Variants in NDUFA11 observed in about 807,000 individuals in gnomAD.
The protein encoded by NDUFA11 is NADH:ubiquinone oxidoreductase subunit A11, also known as NADH dehydrogenase [ubiquinone] 1 alpha subcomplex subunit 11.
NDUFA11 carries 14 observed loss-of-function variants against 11.3 expected under a neutral mutation model. The ratio of observed to expected loss-of-function variants is 1.24; its 90% confidence interval spans 0.82 to 1.94. The LOEUF (loss-of-function observed/expected upper bound fraction) is 1.94. Among genes scored for constraint, NDUFA11 ranks in the 30% most tolerant of loss-of-function variants. The probability of loss-of-function intolerance (pLI) is 0.00; values close to 1 mark genes in which losing one functional copy is unlikely to be tolerated. For synonymous variants in NDUFA11, 87 were observed against 85.6 expected (o/e 1.02, Z -0.09); for missense variants, 204 against 200.3 (o/e 1.02, Z -0.11).
chr19:5,900,399 C>G (rs1010663399), intron 1 of NDUFA11, among the ~76,000 whole-genome samples: 1 of 152,224 alleles, frequency 6.6e-6, no homozygotes, highest in Non-Finnish European at 1.5e-5. Flanking sequence ...TTCATTCATT[C>G]ATTCATCCAT....
chr19:5,897,678 C>T (rs1397534345), intron 1 of NDUFA11, among the ~76,000 whole-genome samples: 1 of 152,248 alleles, frequency 6.6e-6, no homozygotes, highest in Non-Finnish European at 1.5e-5. Context: ...TGCCATTTCC[C>T]AGGCCGCCTG....
At chr19:5,899,059 C>A (rs2057627959) in intron 1 of NDUFA11, among the ~76,000 whole-genome samples, 1 of 150,884 alleles carries the variant, frequency 6.6e-6, no homozygotes, top group African/African-American at 2.5e-5. Flanking sequence ...ACACTTCAGT[C>A]AGTGCACACA....
Position 5,896,375 on chromosome 19 carries a change from A to G in NDUFA11, c.313+78T>C. ...ACTTCTTGTCCGGGATGGAACAGAG[A>G]GGGTGGAGGATGAGCAGAGGTCAGG... On this transcript the variant is annotated intron_variant, in intron 3 of 3. Transcript: ENST00000308961. This position sits in a 1 kb window ranked among gnomAD's most constrained non-coding sequence, Gnocchi z 5.8. The G allele has an allele frequency of 8.5e-7, 1 of 1,181,974 alleles. No individual in the cohort carries two copies. The highest frequency in any genetic ancestry group is 1.1e-6 in the Non-Finnish European group (1 of 916,216). The allele number at this position is 1,181,974 out of a possible 1,614,324, so 73.2% of individuals were successfully genotyped here. A position where few individuals can be genotyped will look rare whatever the true frequency, so the allele number is the denominator to read the frequency against.
At chr19:5,901,327 A>T (rs2057644081) in intron 1 of NDUFA11, 1 of 1,283,272 alleles carries the variant, frequency 7.8e-7, no homozygotes, top group Middle Eastern at 3.3e-4. Context: ...AAGACCCTCG[A>T]TAAGGACCTG....
chr19:5,903,338 C>T (rs546107593), intron 1 of NDUFA11, among the ~76,000 whole-genome samples: 1 of 152,288 alleles, frequency 6.6e-6, no homozygotes, highest in East Asian at 1.9e-4. Flanking sequence ...CCACAATTTC[C>T]CCGAGCCTGG....
downstream of NDUFA11, chr19:5,893,082 G>T: frequency 1.3e-6 from 2 of 1,536,154 alleles, no homozygotes; most frequent in Non-Finnish European, 1.7e-6. The surrounding 1 kb of genome is among the most constrained non-coding windows in gnomAD (Gnocchi z 4.1). Flanking sequence ...ACCCTGAGCT[G>T]TTGCATGCCC....
chr19:5,894,867 G>C lies in NDUFA11; in HGVS notation c.314-13C>G. The C allele has an allele frequency of 6.3e-7, 1 of 1,591,004 alleles. No homozygotes were observed. The highest frequency in any genetic ancestry group is 8.6e-7 in the Non-Finnish European group (1 of 1,167,952). The stretch of plus-strand genomic sequence containing the variant: ...CCGTAGTTGTGCGCTGTGGGAGTGG[G>C]GAGGTGATGTCAGGCCCGGGTGGGG... On this transcript the variant is annotated splice_polypyrimidine_tract_variant and intron_variant, in intron 3 of 3. Coordinates refer to ENST00000308961, the MANE Select transcript of NDUFA11 (RefSeq NM_175614.5).
At chr19:5,893,896 C>G (rs2057591871), downstream of NDUFA11, among the ~76,000 whole-genome samples, 1 of 152,172 alleles carries the variant, frequency 6.6e-6, no homozygotes, top group Non-Finnish European at 1.5e-5. The surrounding 1 kb of genome is among the most constrained non-coding windows in gnomAD (Gnocchi z 4.1). Flanking sequence ...AGATCCATCC[C>G]AGCCAGGGCT....
chr19:5,893,633 A>C (rs2057590382), downstream of NDUFA11, among the ~76,000 whole-genome samples: 1 of 152,032 alleles, frequency 6.6e-6, no homozygotes, highest in Non-Finnish European at 1.5e-5. This position sits in a 1 kb window ranked among gnomAD's most constrained non-coding sequence, Gnocchi z 4.1. Context: ...AACCAGGCAT[A>C]GTGGCGGTGG....
Position 5,896,477 on chromosome 19 carries a change from C to T in NDUFA11, c.289G>A (p.Gly97Arg), listed in dbSNP as rs908949601. The T allele has an allele frequency of 8.3e-6, 13 of 1,573,006 alleles. No individual in the cohort carries two copies. Among genetic ancestry groups the T allele is most frequent in the East Asian group, 2.3e-5 (1 of 43,478 alleles). The change falls in exon 3 of 4, where the codon GGA (glycine) becomes AGA (arginine). Residue 97 changes from glycine (G) to arginine (R), a missense_variant. Transcript: ENST00000308961. This position sits in a 1 kb window ranked among gnomAD's most constrained non-coding sequence, Gnocchi z 5.8. ...PLNYFLGGCA[G>R]GLTLGARTHN... ...CTGCGTGCTCCCAGAGTCAGGCCTCCGGCGCAGCCACCGAGGAAGTAGTTC... is the reference window on the plus strand; with the variant it reads ...CTGCGTGCTCCCAGAGTCAGGCCTCTGGCGCAGCCACCGAGGAAGTAGTTC...
chr19:5,895,851 T>G (rs1228858417), intron 3 of NDUFA11: 3 of 158,270 alleles, frequency 1.9e-5, no homozygotes, highest in Non-Finnish European at 4.2e-5. Context: ...CTCCTCCAGG[T>G]GACCTCGGGC....
In NDUFA11 at chr19:5,896,959, G is replaced by C. The variant is rs763543013; in HGVS notation, c.136C>G (p.Pro46Ala). 6.2e-7 allele frequency: 1 copy of C among 1,614,150 alleles called. No individual in the cohort carries two copies. The highest frequency in any genetic ancestry group is 1.3e-5 in the African/African-American group (1 of 75,048). The change falls in exon 2 of 4, where the codon CCG becomes GCG. Residue 46 changes from proline (P) to alanine (A), a missense_variant. By Grantham distance (27) the Pro-to-Ala change is conservative (BLOSUM62 -1). Coordinates refer to ENST00000308961, the MANE Select transcript of NDUFA11 (RefSeq NM_175614.5). This position sits in a 1 kb window ranked among gnomAD's most constrained non-coding sequence, Gnocchi z 5.8. ...AAAYRVTLNP[P>A]GTFLEGVAKV... ...GCCACTCCTTCAAGGAAGGTGCCCG[G>C]AGGATTGAGTGTGACTCTGTAGGCA...
At chr19:5,895,312 G>A (rs1026598792) in intron 3 of NDUFA11, 6 of 174,054 alleles carry the variant, frequency 3.4e-5, no homozygotes, top group African/African-American at 4.7e-5. Context: ...CGAAGCCTCC[G>A]GGCCAGAGGA....
chr19:5,898,313 C>A lies in NDUFA11; in HGVS notation c.98-1316G>T, dbSNP rs145364527. Among the ~76,000 whole-genome samples the A allele has an allele frequency of 3.9e-5, 6 of 152,234 alleles. No homozygotes were observed. The East Asian group carries it at 1.2e-3, about 30-fold the overall frequency. ...GGGACATGCCAGGCCTGGCAGTGACCCCCCCCAACAGCACCCTAGCCTCAG... is the reference window on the plus strand; with the variant it reads ...GGGACATGCCAGGCCTGGCAGTGACACCCCCCAACAGCACCCTAGCCTCAG... On this transcript the variant is annotated intron_variant, in intron 1 of 3. Transcript: ENST00000308961.
At chr19:5,892,762 G>T (rs1302509912), downstream of NDUFA11, 6 of 1,033,038 alleles carry the variant, frequency 5.8e-6, no homozygotes, top group Non-Finnish European at 7.8e-6. Flanking sequence ...GTGCCCTCGA[G>T]TGGATGCGAT....
At chr19:5,899,138 T>C (rs2057628616) in intron 1 of NDUFA11, among the ~76,000 whole-genome samples, 1 of 151,184 alleles carries the variant, frequency 6.6e-6, no homozygotes, top group Non-Finnish European at 1.5e-5. Flanking sequence ...AGCTGGAGTC[T>C]ATGAAGATTC....
At chr19:5,897,930 A>G (rs954240376) in intron 1 of NDUFA11, among the ~76,000 whole-genome samples, 2 of 152,110 alleles carry the variant, frequency 1.3e-5, no homozygotes, top group Non-Finnish European at 1.5e-5. Flanking sequence ...GGGCTCCCCA[A>G]TCCTCTGCCT....
At chr19:5,893,456 CTA>C (rs924673475), downstream of NDUFA11, among the ~76,000 whole-genome samples, 1 of 152,120 alleles carries the variant, frequency 6.6e-6, no homozygotes, top group South Asian at 2.1e-4. This position sits in a 1 kb window ranked among gnomAD's most constrained non-coding sequence, Gnocchi z 4.1. Context: ...CAGAGCAAGA[CTA>C]TGTCTCAAAA....
chr19:5,894,759 C>T lies in NDUFA11; in HGVS notation c.409G>A (p.Ala137Thr), dbSNP rs151240763. The change falls in exon 4 of 4, where the codon GCA (alanine) becomes ACA (threonine). Residue 137 changes from alanine to threonine, a missense_variant. By Grantham distance (58) the Ala-to-Thr change is moderately conservative (BLOSUM62 0). Coordinates refer to ENST00000308961, the MANE Select transcript of NDUFA11 (RefSeq NM_175614.5). ...MGRLEGWEVF[A>T]KPKV ...CACAGGGCTCACACCTTGGGTTTTG[C>T]AAACACCTCCCAGCCCTCCAGCCGG... 69 of 1,613,364 alleles carry T rather than the reference C, an allele frequency of 4.3e-5. No homozygotes were observed. The African/African-American group carries it at 7.5e-4, about 17-fold the overall frequency.
Sources: gnomAD v4.1 joint callset for allele counts (sites outside exome capture counted in the v4.1 genomes callset) on GRCh38, gnomAD v4.1.1 for gene constraint, Gnocchi (gnomAD v3.1) non-coding constraint, MANE v1.5 for transcripts, NCBI Gene and HGNC (gene_info 2026-07-23, HGNC 2026-07-21) for gene names.